KIAA0825: variants seen among roughly 807,000 people sequenced by gnomAD.
KIAA0825 encodes uncharacterized protein KIAA0825.
KIAA0825 carries 119 observed loss-of-function variants against 147.6 expected under a neutral mutation model. The observed-to-expected ratio is 0.81, with a 90% CI of 0.69 to 0.94. The LOEUF is 0.94. Ranked by LOEUF, KIAA0825 falls within the 40% of genes least tolerant of loss-of-function variation. KIAA0825 has a pLI of 0.00. For missense variants in KIAA0825, 1,381 were observed against 1,472.7 expected (o/e 0.94, Z 1.02); for synonymous variants, 470 against 518.1 (o/e 0.91, Z 1.26).
intron 13 of KIAA0825, 39 bp downstream of exon 13, chr5:94,452,920 C>A: frequency 9.7e-7 from 1 of 1,025,976 alleles, no homozygotes; most frequent in Non-Finnish European, 1.4e-6. Context: ...TAAAAGGAAT[C>A]ATAGAATTAT....
At chr5:94,366,888 G>A (rs772501154) in intron 20 of KIAA0825, among the ~76,000 whole-genome samples, 3 of 152,168 alleles carry the variant, frequency 2.0e-5, no homozygotes, top group African/African-American at 4.8e-5. Context: ...TGTTGTGTCC[G>A]GTTTCTACTG....
chr5:94,280,200 T>C (rs542919373), intron 20 of KIAA0825, among the ~76,000 whole-genome samples: 1 of 152,182 alleles, frequency 6.6e-6, no homozygotes, highest in Admixed American at 6.6e-5. Flanking sequence ...GATTAGTGCC[T>C]GGTGATCATA....
intron 15 of KIAA0825, among the ~76,000 whole-genome samples, chr5:94,410,360 C>T (rs1562469578): frequency 1.3e-5 from 2 of 152,094 alleles, no homozygotes; most frequent in African/African-American, 4.8e-5. Flanking sequence ...GTAATATACA[C>T]GAAATTGAGT....
chr5:94,485,982 T>G (rs1763010866), intron 5 of KIAA0825, among the ~76,000 whole-genome samples: 1 of 151,876 alleles, frequency 6.6e-6, no homozygotes, highest in South Asian at 2.1e-4. Flanking sequence ...ACTAGTAAAG[T>G]CACACTATCA....
chr5:94,299,702 T>C (rs1778299368), intron 20 of KIAA0825, among the ~76,000 whole-genome samples: 1 of 152,172 alleles, frequency 6.6e-6, no homozygotes, highest in Non-Finnish European at 1.5e-5. Context: ...GTGCTAATAA[T>C]AATTATAGAA....
intron 20 of KIAA0825, among the ~76,000 whole-genome samples, chr5:94,179,211 G>A (rs1172580986): frequency 6.6e-6 from 1 of 152,112 alleles, no homozygotes; most frequent in Non-Finnish European, 1.5e-5. Context: ...TGGTGGACAT[G>A]TGACTCTACA....
At chr5:94,328,505 G>C (rs1387696740) in intron 20 of KIAA0825, among the ~76,000 whole-genome samples, 1 of 151,756 alleles carries the variant, frequency 6.6e-6, no homozygotes, top group African/African-American at 2.4e-5. Context: ...CTGTTTAAAA[G>C]GAGATTGATT....
At chr5:94,185,378 T>C (rs975436426) in intron 20 of KIAA0825, among the ~76,000 whole-genome samples, 1 of 152,212 alleles carries the variant, frequency 6.6e-6, no homozygotes, top group African/African-American at 2.4e-5. Context: ...ATCAAAAGAA[T>C]ATGGTGTATG....
intron 2 of KIAA0825, among the ~76,000 whole-genome samples, chr5:94,553,417 G>A (rs531807395): frequency 6.7e-6 from 1 of 149,286 alleles, no homozygotes; most frequent in South Asian, 2.1e-4. Context: ...TCCAGCCTGG[G>A]TGACAAGAGC....
At chr5:94,616,167 C>T (rs529208140) in intron 1 of KIAA0825, among the ~76,000 whole-genome samples, 5 of 152,210 alleles carry the variant, frequency 3.3e-5, no homozygotes, top group Admixed American at 6.5e-5. Flanking sequence ...GATCTGCCTA[C>T]GGGATCTGCC....
intron 20 of KIAA0825, among the ~76,000 whole-genome samples, chr5:94,381,411 T>C (rs1223454585): frequency 6.6e-6 from 1 of 152,230 alleles, no homozygotes; most frequent in African/African-American, 2.4e-5. Context: ...AAGCAAAACT[T>C]GCATTTGTTG....
intron 2 of KIAA0825, among the ~76,000 whole-genome samples, chr5:94,580,489 G>A (rs914518665): frequency 5.3e-5 from 8 of 151,874 alleles, no homozygotes; most frequent in Non-Finnish European, 7.3e-5. Flanking sequence ...ATCTGGGTGA[G>A]TGGATTATTC....
chr5:94,521,307 C>G (rs1260901866), intron 4 of KIAA0825, among the ~76,000 whole-genome samples: 1 of 151,726 alleles, frequency 6.6e-6, no homozygotes, highest in African/African-American at 2.4e-5. Context: ...GATCATGCCC[C>G]TAATTCCTGG....
chr5:94,156,515 G>T (rs1767043533), intron 20 of KIAA0825, among the ~76,000 whole-genome samples: 1 of 152,124 alleles, frequency 6.6e-6, no homozygotes, highest in African/African-American at 2.4e-5. Context: ...TAAATATTTT[G>T]ATCATTGTGT....
intron 12 of KIAA0825, among the ~76,000 whole-genome samples, chr5:94,457,312 T>C (rs1759239344): frequency 6.6e-6 from 1 of 152,178 alleles, no homozygotes; most frequent in Admixed American, 6.5e-5. Context: ...TAAAATACAA[T>C]TGTATGAGCC....
At chr5:94,483,200 A>G (rs1463734585) in intron 6 of KIAA0825, among the ~76,000 whole-genome samples, 4 of 152,010 alleles carry the variant, frequency 2.6e-5, no homozygotes, top group Non-Finnish European at 5.9e-5. Context: ...ATGCAATTCT[A>G]ATTTTGAATT....
chr5:94,611,987 T>C (rs1485088138), intron 1 of KIAA0825: 4 of 152,052 alleles, frequency 2.6e-5, no homozygotes, highest in Non-Finnish European at 2.9e-5. Context: ...ACTATATTTA[T>C]AGGCTACCTG....
At chr5:94,308,834 G>A (rs1037869342) in intron 20 of KIAA0825, among the ~76,000 whole-genome samples, 1 of 149,804 alleles carries the variant, frequency 6.7e-6, no homozygotes, top group Non-Finnish European at 1.5e-5. Flanking sequence ...CATTCAGGCC[G>A]TTTTCCTCCT....
chr5:94,296,866 T>C (rs890253048), intron 20 of KIAA0825, among the ~76,000 whole-genome samples: 2 of 152,106 alleles, frequency 1.3e-5, no homozygotes, highest in African/African-American at 4.8e-5. Context: ...ACCAGAAAAT[T>C]TTAATATATT....
Sources: gnomAD v4.1 joint callset for allele counts (sites outside exome capture counted in the v4.1 genomes callset) on GRCh38, gnomAD v4.1.1 for gene constraint, MANE v1.5 for transcripts, NCBI Gene and HGNC (gene_info 2026-07-23, HGNC 2026-07-21) for gene names.